EFCAB5: variants seen among roughly 807,000 people sequenced by gnomAD.
EFCAB5 encodes the protein EF-hand calcium binding domain 5.
A neutral mutation model predicts 167.9 loss-of-function variants in EFCAB5; 131 were observed. The ratio of observed to expected loss-of-function variants is 0.78; its 90% confidence interval spans 0.68 to 0.90. The LOEUF is 0.90. Ranked by LOEUF, EFCAB5 falls within the 40% of genes least tolerant of loss-of-function variation. EFCAB5 has a pLI of 0.00. For missense variants in EFCAB5, 1,663 were observed against 1,745.2 expected (o/e 0.95, Z 0.84); for synonymous variants, 574 against 602.8 (o/e 0.95, Z 0.70).
chr17:30,090,658 G>A lies in EFCAB5; in HGVS notation c.3921G>A (p.Lys1307=), dbSNP rs982257413. ...EILGEFSGEI[K]KKYILEIENV... is the part of the protein sequence containing the mutation. ...TTGGCGAGTTCTCTGGAGAGATAAA[G>A]AAAAAATATATCTTAGGTATCGTTC... Residue 1307 remains lysine (K), a synonymous_variant, in exon 20 of 23, where the codon AAG becomes AAA. Transcript: ENST00000394835. 10 of 1,609,684 alleles carry A rather than the reference G, an allele frequency of 6.2e-6. No homozygotes were observed. Among genetic ancestry groups the A allele is most frequent in the Admixed American group, 1.7e-5 (1 of 58,940 alleles).
At position 30,083,184 on chromosome 17, in the gene EFCAB5, G is replaced by A. The variant is rs953836216; in HGVS notation, c.3579+141G>A. The stretch of plus-strand genomic sequence containing the variant: ...TTCCCAATACAAGACCCTTGGTTGT[G>A]AGTGACAGGAATCCATCTCAAATTG... On this transcript the variant is annotated intron_variant, in intron 18 of 22. Coordinates refer to ENST00000394835, the MANE Select transcript of EFCAB5 (RefSeq NM_198529.4). 5 of 1,221,830 alleles carry A rather than the reference G, an allele frequency of 4.1e-6. No individual in the cohort carries two copies. In the African/African-American group the frequency reaches 7.8e-5, roughly 19 times the overall value. 75.7% of individuals were successfully genotyped at this position (1,221,830 alleles called of 1,614,324 possible).
intron 14 of EFCAB5, among the ~76,000 whole-genome samples, chr17:30,071,937 TA>T (rs2070747319): frequency 6.6e-6 from 1 of 152,294 alleles, no homozygotes; most frequent in African/African-American, 2.4e-5. Flanking sequence ...ATGTTGAAGC[TA>T]AAAAAGTTGA....
At chr17:29,935,990 C>T (rs1412484045) in intron 1 of EFCAB5, among the ~76,000 whole-genome samples, 1 of 152,112 alleles carries the variant, frequency 6.6e-6, no homozygotes, top group African/African-American at 2.4e-5. Flanking sequence ...AAACTGGATT[C>T]AGCTGTTGCT....
At chr17:29,999,205 G>T (rs2068608892) in intron 6 of EFCAB5, among the ~76,000 whole-genome samples, 1 of 151,866 alleles carries the variant, frequency 6.6e-6, no homozygotes, top group Admixed American at 6.6e-5. Context: ...AACTTTCCCT[G>T]AGCCCCAGGT....
intron 1 of EFCAB5, among the ~76,000 whole-genome samples, chr17:29,930,885 G>A (rs1401978681): frequency 6.6e-6 from 1 of 152,188 alleles, no homozygotes; most frequent in African/African-American, 2.4e-5. Flanking sequence ...CCGGTTGTGA[G>A]GGTCCAGCCT....
chr17:30,088,928 A>G (rs2071141179), intron 19 of EFCAB5, among the ~76,000 whole-genome samples: 1 of 152,106 alleles, frequency 6.6e-6, no homozygotes, highest in Non-Finnish European at 1.5e-5. Flanking sequence ...ATAGCCCTGG[A>G]TTCTTTTTTT....
chr17:30,101,579 T>C (rs1456511401), intron 22 of EFCAB5, among the ~76,000 whole-genome samples: 1 of 151,982 alleles, frequency 6.6e-6, no homozygotes, highest in East Asian at 1.9e-4. Flanking sequence ...AAATCTGGAG[T>C]TTTCGAGAAA....
chr17:29,947,633 G>C lies in EFCAB5; in HGVS notation c.190+3984G>C, dbSNP rs77665876. 7.5e-3 allele frequency among the ~76,000 whole-genome samples: 1,145 copies of C among 152,024 alleles called. 21 individuals carry two copies. The highest frequency in any genetic ancestry group is 0.026 in the African/African-American group (1,089 of 41,446). ...CTGTCTTTCTTATAAACTTAGTACT[G>C]TTTTCACAGCTTCACTAACTTCTAA... On this transcript the variant is annotated intron_variant, in intron 3 of 22. Transcript: ENST00000394835.
chr17:30,090,775 A>T (rs2071180744), intron 20 of EFCAB5, 101 bp downstream of exon 20: 1 of 1,431,862 alleles, frequency 7.0e-7, no homozygotes, highest in Admixed American at 2.2e-5. Context: ...ATGAATTGTT[A>T]CAACATACAC....
At chr17:30,094,421 G>A (rs769351065) in intron 22 of EFCAB5, among the ~76,000 whole-genome samples, 4 of 145,608 alleles carry the variant, frequency 2.7e-5, no homozygotes, top group African/African-American at 7.7e-5. Flanking sequence ...CTGTAATCCC[G>A]ACACTTTGGG....
intron 1 of EFCAB5, among the ~76,000 whole-genome samples, chr17:29,934,913 C>G (rs535014785): frequency 6.6e-6 from 1 of 152,128 alleles, no homozygotes; most frequent in South Asian, 2.1e-4. Context: ...GAATAGATCC[C>G]TATCTTGCAA....
intron 3 of EFCAB5, among the ~76,000 whole-genome samples, chr17:29,965,163 C>T (rs1329932514): frequency 6.6e-6 from 1 of 151,922 alleles, no homozygotes; most frequent in Non-Finnish European, 1.5e-5. Context: ...TAAATGTAAT[C>T]ACTTACAGCT....
intron 7 of EFCAB5, among the ~76,000 whole-genome samples, chr17:30,000,434 G>A (rs1249102226): frequency 1.3e-5 from 2 of 152,132 alleles, no homozygotes; most frequent in Non-Finnish European, 2.9e-5. Flanking sequence ...GGGAAAATTT[G>A]TATTCAGTCA....
intron 1 of EFCAB5, among the ~76,000 whole-genome samples, chr17:29,931,477 G>A (rs1229137966): frequency 6.6e-6 from 1 of 152,198 alleles, no homozygotes; most frequent in South Asian, 2.1e-4. Flanking sequence ...GAGGGTCCCT[G>A]TACTGTACAG....
chr17:29,952,995 C>A (rs955022632), intron 3 of EFCAB5, among the ~76,000 whole-genome samples: 1 of 152,228 alleles, frequency 6.6e-6, no homozygotes, highest in East Asian at 1.9e-4. Context: ...ATCTTAATAA[C>A]TACTTTCCAG....
chr17:30,027,615 A>G (rs2151724084), intron 7 of EFCAB5, among the ~76,000 whole-genome samples: 1 of 152,230 alleles, frequency 6.6e-6, no homozygotes, highest in Middle Eastern at 3.4e-3. Context: ...TACCATCGGC[A>G]TGCATCGAGG....
upstream of EFCAB5, among the ~76,000 whole-genome samples, chr17:29,941,438 T>C (rs1308255287): frequency 6.6e-6 from 1 of 152,196 alleles, no homozygotes; most frequent in Non-Finnish European, 1.5e-5. Context: ...CCTCACCTTG[T>C]TATCTCAAAA....
intron 9 of EFCAB5, 146 bp from the exon 10 acceptor site, chr17:30,053,109 C>A: frequency 2.2e-6 from 2 of 910,488 alleles, no homozygotes; most frequent in Non-Finnish European, 3.2e-6. Flanking sequence ...TATTGTGTTG[C>A]AGCCAAAGAT....
chr17:30,107,720 G>A, intron 22 of EFCAB5, 114 bp from the exon 23 acceptor site: 1 of 894,896 alleles, frequency 1.1e-6, no homozygotes, highest in South Asian at 3.0e-5. Flanking sequence ...GATTCTGCTT[G>A]GTTTTGACTC....
Sources: allele counts gnomAD v4.1 joint callset (sites outside exome capture counted in the v4.1 genomes callset), GRCh38; gene constraint gnomAD v4.1.1; transcripts MANE v1.5; gene names NCBI Gene and HGNC (gene_info 2026-07-23, HGNC 2026-07-21).